The following SORCS2 variants were observed in gnomAD, a reference collection of about 807,000 sequenced individuals.
SORCS2 encodes VPS10 domain-containing receptor SorCS2.
A neutral mutation model predicts 141.6 loss-of-function variants in SORCS2; 100 were observed. The observed-to-expected ratio is 0.71, with a 90% confidence interval of 0.60 to 0.83. The LOEUF is 0.83. Among genes scored for constraint, SORCS2 ranks in the 40% least tolerant of loss-of-function variants. The pLI is 0.00. For missense variants in SORCS2, 1,646 were observed against 1,560.2 expected (o/e 1.05, Z -0.93); for synonymous variants, 789 against 676.9 (o/e 1.17, Z -2.57).
chr4:7,655,078 G>T (rs974423004), intron 5 of SORCS2, among the ~76,000 whole-genome samples: 1 of 152,158 alleles, frequency 6.6e-6, no homozygotes. Context: ...CAGTGCAGCC[G>T]TTCAGAACTC....
intron 1 of SORCS2, among the ~76,000 whole-genome samples, chr4:7,314,829 T>TTTTTTTTTTTTTTTTTTTTG (rs1560185676): frequency 8.6e-6 from 1 of 116,516 alleles, no homozygotes; most frequent in African/African-American, 3.5e-5. Context: ...TTTTTTTTTT[T>TTTTTTTTTTTTTTTTTTTTG]ATTGTTGTTG....
intron 3 of SORCS2, among the ~76,000 whole-genome samples, chr4:7,594,207 G>C (rs542379834): frequency 2.5e-4 from 38 of 152,302 alleles, no homozygotes; most frequent in African/African-American, 8.9e-4. Flanking sequence ...CTCTGGCCTC[G>C]GTGTATTCCT....
At chr4:7,434,510 C>T (rs771234442) in intron 2 of SORCS2, 1 of 1,612,740 alleles carries the variant, frequency 6.2e-7, no homozygotes, top group Non-Finnish European at 8.5e-7. Flanking sequence ...TCCGGGGCCC[C>T]ACGGAGCATG....
At chr4:7,242,215 T>A (rs1712750254) in intron 1 of SORCS2, among the ~76,000 whole-genome samples, 1 of 152,130 alleles carries the variant, frequency 6.6e-6, no homozygotes, top group Non-Finnish European at 1.5e-5. Flanking sequence ...CTTCTTTTTT[T>A]AAAAGACAGG....
At chr4:7,717,179 C>T (rs908025274) in intron 17 of SORCS2, among the ~76,000 whole-genome samples, 6 of 152,178 alleles carry the variant, frequency 3.9e-5, no homozygotes, top group Non-Finnish European at 8.8e-5. Flanking sequence ...GTGCCACACC[C>T]GCTCCTCCTC....
chr4:7,248,597 G>A (rs1184202015), intron 1 of SORCS2, among the ~76,000 whole-genome samples: 1 of 152,198 alleles, frequency 6.6e-6, no homozygotes, highest in African/African-American at 2.4e-5. Flanking sequence ...TGCCTGTCTT[G>A]TCTCATTCTC....
At position 7,233,819 on chromosome 4, in the gene SORCS2, G is replaced by A. The variant is rs527435166; in HGVS notation, c.480+40693G>A. Among the ~76,000 whole-genome samples, 3 of 152,292 alleles carry A rather than the reference G, an allele frequency of 2.0e-5. No homozygotes were observed. The highest frequency in any genetic ancestry group is 7.2e-5 in the African/African-American group (3 of 41,550). On this transcript the variant is annotated intron_variant, in intron 1 of 26. Transcript: ENST00000507866. This position sits in a 1 kb window ranked among gnomAD's most constrained non-coding sequence, Gnocchi z 4.5. ...TCCTGTCTGTAAAATGGGTGCCGTG[G>A]TGCAAACATCAGAGGGTGGTGGGGA...
intron 3 of SORCS2, among the ~76,000 whole-genome samples, chr4:7,597,197 G>GAGGGGGCTATTGCAATAGGGA: frequency 2.0e-5 from 3 of 151,142 alleles, no homozygotes; most frequent in African/African-American, 7.3e-5. Flanking sequence ...TACAATGGAA[G>GAGGGGGCTATTGCAATAGGGA]AGGGGGCTAT....
chr4:7,557,582 G>T (rs752787163), intron 3 of SORCS2, among the ~76,000 whole-genome samples: 2 of 152,224 alleles, frequency 1.3e-5, no homozygotes, highest in East Asian at 1.9e-4. Flanking sequence ...ACTAGATTCT[G>T]TTATCATAGT....
At chr4:7,598,545 C>T (rs1225777857) in intron 3 of SORCS2, among the ~76,000 whole-genome samples, 2 of 152,138 alleles carry the variant, frequency 1.3e-5, no homozygotes, top group Non-Finnish European at 1.5e-5. Flanking sequence ...GGATAGATGT[C>T]CATGAAAAAC....
At chr4:7,558,181 A>C (rs1714272584) in intron 3 of SORCS2, among the ~76,000 whole-genome samples, 1 of 152,144 alleles carries the variant, frequency 6.6e-6, no homozygotes, top group African/African-American at 2.4e-5. Flanking sequence ...CTTATATGGG[A>C]GAGGAATGCA....
At chr4:7,736,657 G>T (rs978724645) in intron 25 of SORCS2, among the ~76,000 whole-genome samples, 7 of 152,214 alleles carry the variant, frequency 4.6e-5, no homozygotes, top group African/African-American at 9.6e-5. Context: ...CTCAGCAAGT[G>T]CCTCTCAGAG....
At chr4:7,545,467 C>A (rs1425868100) in intron 3 of SORCS2, among the ~76,000 whole-genome samples, 12 of 152,136 alleles carry the variant, frequency 7.9e-5, no homozygotes. Flanking sequence ...GAGGGAGTGG[C>A]AGGGGGACCT....
intron 3 of SORCS2, among the ~76,000 whole-genome samples, chr4:7,535,057 G>T (rs1370918407): frequency 1.3e-5 from 2 of 152,192 alleles, no homozygotes; most frequent in Non-Finnish European, 2.9e-5. Context: ...CACCGATCCT[G>T]ATTCCTGTTG....
At position 7,311,187 on chromosome 4, in the gene SORCS2, CCTT is replaced by C. The variant is rs370637658; in HGVS notation, c.481-85100_481-85098del. 5.3e-3 allele frequency among the ~76,000 whole-genome samples: 801 copies of C among 152,290 alleles called. 5 individuals are homozygous for C. The highest frequency in any genetic ancestry group is 0.019 in the African/African-American group (777 of 41,556). The stretch of plus-strand genomic sequence containing the variant: ...AATTTCGTCTCTGCAGTATCCTCCT[CCTT>C]GTCTGGCCTCCTCTACTCAGCATCG... On this transcript the variant is annotated intron_variant, in intron 1 of 26. Transcript: ENST00000507866.
intron 1 of SORCS2, among the ~76,000 whole-genome samples, chr4:7,305,289 C>G: frequency 6.6e-6 from 1 of 151,996 alleles, no homozygotes; most frequent in East Asian, 1.9e-4. Flanking sequence ...CCTCGGCCTC[C>G]CAAAGTGCTG....
chr4:7,193,186 C>A lies in SORCS2; in HGVS notation c.480+60C>A. ...CCCGGGACACCGCGGGACACCCGGG[C>A]GGGACCGCCACGGCCCCCACCCCAG... On this transcript the variant is annotated intron_variant, in intron 1 of 26. Transcript: ENST00000507866. The surrounding 1 kb of genome is among the most constrained non-coding windows in gnomAD (Gnocchi z 4.8). 2 of 1,408,360 alleles carry A rather than the reference C, an allele frequency of 1.4e-6. No homozygotes were observed. The allele number at this position is 1,408,360 out of a possible 1,614,324, so 87.2% of individuals were successfully genotyped here.
chr4:7,611,423 A>C (rs1355123217), intron 3 of SORCS2, among the ~76,000 whole-genome samples: 1 of 152,198 alleles, frequency 6.6e-6, no homozygotes, highest in Non-Finnish European at 1.5e-5. Context: ...CCCCAAGGGA[A>C]ACCGGCCGAC....
rs1332445761 is a variant in SORCS2, at chr4:7,723,824, C to A, written c.2552C>A (p.Ser851Tyr). Residue 851 changes from serine (S) to tyrosine (Y), a missense_variant, in exon 19 of 27, where the codon TCC (serine) becomes TAC (tyrosine). Ser to Tyr is a moderately radical substitution (Grantham distance 144). Transcript: ENST00000507866. ...GAGAGCCCCGGCATCTACCGCGTGT[C>A]CGTCAGGGCAGAGAACACGGCAGGC... Reference protein sequence around the residue: ...RYESPGIYRVSVRAENTAGHD... With the variant: ...RYESPGIYRVYVRAENTAGHD... 6.2e-7 allele frequency: 1 copy of A among 1,613,436 alleles called. No homozygotes were observed. The highest frequency in any genetic ancestry group is 8.5e-7 in the Non-Finnish European group (1 of 1,179,892).
Sources: allele counts gnomAD v4.1 joint callset (sites outside exome capture counted in the v4.1 genomes callset), GRCh38; gene constraint gnomAD v4.1.1; non-coding constraint Gnocchi (gnomAD v3.1); transcripts MANE v1.5; gene names NCBI Gene and HGNC (gene_info 2026-07-23, HGNC 2026-07-21).